Variants in ACTL6B observed in about 807,000 individuals in gnomAD.
ACTL6B encodes actin like 6B, also known as actin-like protein 6B.
Under a neutral mutation model 63.3 loss-of-function variants are expected in ACTL6B, and 48 were observed. The ratio of observed to expected loss-of-function variants is 0.76; its 90% confidence interval spans 0.60 to 0.96. The LOEUF (loss-of-function observed/expected upper bound fraction) is 0.96, where lower values mean the gene tolerates loss of function less well. ACTL6B is among the 50% of genes least tolerant of loss of function. The pLI, the probability that ACTL6B is intolerant of heterozygous loss-of-function variation, is 0.00. For missense variants in ACTL6B, 350 were observed against 572.2 expected (o/e 0.61, Z 3.96); for synonymous variants, 230 against 223.8 (o/e 1.03, Z -0.25).
chr7:100,648,877 GC>G lies in ACTL6B; in HGVS notation c.468-55del. 1 of 1,547,136 alleles carries G rather than the reference GC, an allele frequency of 6.5e-7. No homozygotes were observed. On this transcript the variant is annotated intron_variant, in intron 5 of 13. Transcript: ENST00000160382. The surrounding 1 kb of genome is among the most constrained non-coding windows in gnomAD (Gnocchi z 4.4). ...CAGCAGCAGCAAGTGAGGGGCCTGG[GC>G]CCAGATCTTGTCTGGTCACTCTCTG... is the stretch of plus-strand genomic sequence containing the variant.
At chr7:100,651,377 C>T (rs1298796758) in intron 4 of ACTL6B, among the ~76,000 whole-genome samples, 1 of 151,640 alleles carries the variant, frequency 6.6e-6, no homozygotes, top group Non-Finnish European at 1.5e-5. Context: ...ATGGTGAAAC[C>T]CCGTCTCTAC....
In ACTL6B at chr7:100,647,509, G is replaced by C. The variant is rs200805270; in HGVS notation, c.694C>G (p.Pro232Ala). The stretch of plus-strand genomic sequence containing the variant: ...AGCTTCTCCTTCTTCTTCCAGTTTG[G>C]GGGGGCACCCTCCCGGACAGGCTCC... ...AKEPVREGAP[P>A]NWKKKEKLPQ... The change falls in exon 8 of 14, where the codon CCA becomes GCA. Residue 232 changes from proline (P) to alanine (A), a missense_variant. Transcript: ENST00000160382. This position sits in a 1 kb window ranked among gnomAD's most constrained non-coding sequence, Gnocchi z 4.4. 135 of 1,608,000 alleles carry C rather than the reference G, an allele frequency of 8.4e-5. No individual in the cohort carries two copies. The East Asian group carries it at 1.8e-3, about 21-fold the overall frequency.
chr7:100,646,873 TC>T lies in ACTL6B; in HGVS notation c.937-43del. 2 of 1,598,518 alleles carry T rather than the reference TC, an allele frequency of 1.3e-6. No individual in the cohort carries two copies. The highest frequency in any genetic ancestry group is 8.5e-7 in the Non-Finnish European group (1 of 1,171,168). On this transcript the variant is annotated intron_variant, in intron 10 of 13. Coordinates refer to ENST00000160382, the MANE Select transcript of ACTL6B (RefSeq NM_016188.5). This position sits in a 1 kb window ranked among gnomAD's most constrained non-coding sequence, Gnocchi z 6.1. ...CTGGGGCTGTGGGCTCTCTCCCCCTTCCCCCCAGACCCCTGCAATCCTTCCC... is the reference window on the plus strand; with the variant it reads ...CTGGGGCTGTGGGCTCTCTCCCCCTTCCCCCAGACCCCTGCAATCCTTCCC...
At chr7:100,651,741 G>A (rs574326497) in intron 4 of ACTL6B, among the ~76,000 whole-genome samples, 149 of 151,844 alleles carry the variant, frequency 9.8e-4, no homozygotes, top group African/African-American at 3.5e-3. Flanking sequence ...GCACCACCAT[G>A]GCCAGCTAAT....
At chr7:100,653,442 G>A (rs1463299973) in intron 4 of ACTL6B, among the ~76,000 whole-genome samples, 1 of 152,038 alleles carries the variant, frequency 6.6e-6, no homozygotes, top group Non-Finnish European at 1.5e-5. Flanking sequence ...TTGAGCCCAG[G>A]AATTCAAGAC....
chr7:100,643,178 G>C lies in ACTL6B; in HGVS notation c.*68C>G. 1 of 1,372,390 alleles carries C rather than the reference G, an allele frequency of 7.3e-7. No individual in the cohort carries two copies. The highest frequency in any genetic ancestry group is 1.0e-6 in the Non-Finnish European group (1 of 962,830). The allele number at this position is 1,372,390 out of a possible 1,614,324, so 85.0% of individuals were successfully genotyped here. On this transcript the variant is annotated 3_prime_UTR_variant, in exon 14 of 14. Transcript: ENST00000160382. Reference sequence around the variant, plus strand: ...GGACAAGAGGGAAAGGAGGAGGGGGGCAATGTGGCATGGGGGTTAAGGGAC... The same window carrying C: ...GGACAAGAGGGAAAGGAGGAGGGGGCCAATGTGGCATGGGGGTTAAGGGAC...
Position 100,643,160 on chromosome 7 carries a change from A to T in ACTL6B, c.*86T>A. 1 of 1,276,696 alleles carries T rather than the reference A, an allele frequency of 7.8e-7. No individual in the cohort carries two copies. Among genetic ancestry groups the T allele is most frequent in the Non-Finnish European group, 1.1e-6 (1 of 879,364 alleles). The allele number at this position is 1,276,696 out of a possible 1,614,324, so 79.1% of individuals were successfully genotyped here. ...AAACATCACCATTAATGAGGACAAG[A>T]GGGAAAGGAGGAGGGGGGCAATGTG... On this transcript the variant is annotated 3_prime_UTR_variant, in exon 14 of 14. Coordinates refer to ENST00000160382, the MANE Select transcript of ACTL6B (RefSeq NM_016188.5).
At chr7:100,654,432 C>CATCATA (rs370094908) in intron 4 of ACTL6B, among the ~76,000 whole-genome samples, 51 of 137,444 alleles carry the variant, frequency 3.7e-4, no homozygotes, top group Non-Finnish European at 5.3e-4. Context: ...CAAAGTTGAC[C>CATCATA]ATAATAATAA....
chr7:100,647,291 TC>T lies in ACTL6B; in HGVS notation c.760-8del. ...GGAAGTCCTGGATCACCTCCTGAAA[TC>T]CCAGCGGAGGTGGTGAGGGCCTGCC... On this transcript the variant is annotated splice_polypyrimidine_tract_variant and splice_region_variant and intron_variant, in intron 8 of 13. Transcript: ENST00000160382. This position sits in a 1 kb window ranked among gnomAD's most constrained non-coding sequence, Gnocchi z 4.4. The T allele has an allele frequency of 1.2e-6, 2 of 1,612,800 alleles. No individual in the cohort carries two copies. The highest frequency in any genetic ancestry group is 2.7e-5 in the African/African-American group (2 of 74,898).
At chr7:100,643,453 CT>C in intron 13 of ACTL6B, 127 bp from the exon 14 acceptor site, 3 of 802,652 alleles carry the variant, frequency 3.7e-6, no homozygotes, top group Non-Finnish European at 6.3e-6. Context: ...TCTGAAGCCC[CT>C]CCCCACCTCA....
Position 100,650,116 on chromosome 7 carries a change from C to G in ACTL6B, c.389G>C (p.Arg130Pro). ...GAACATCAGCTCTGTCAGCTTCTCC[C>G]GCTTGGCCCGTGTGTTCCACTGTGG... ...SEAPWNTRAK[R>P]EKLTELMFEQ... The change falls in exon 5 of 14, where the codon CGG (arginine) becomes CCG (proline). Residue 130 changes from arginine (R) to proline (P), a missense_variant. Around this residue, in one of 3 missense-constraint regions of ACTL6B, gnomAD observed 250 missense variants for 364.7 expected, o/e 0.69. Transcript: ENST00000160382. 6.2e-7 allele frequency: 1 copy of G among 1,613,872 alleles called. No homozygotes were observed. The highest frequency in any genetic ancestry group is 8.5e-7 in the Non-Finnish European group (1 of 1,179,964).
chr7:100,652,174 G>A (rs189776662), intron 4 of ACTL6B, among the ~76,000 whole-genome samples: 2,219 of 152,124 alleles, frequency 0.015, 50 homozygotes, highest in African/African-American at 0.051. Context: ...CGAGGCCGGC[G>A]GATCGCGAGG....
chr7:100,650,684 T>A (rs780597076), intron 4 of ACTL6B, among the ~76,000 whole-genome samples: 14 of 150,938 alleles, frequency 9.3e-5, no homozygotes, highest in Admixed American at 3.3e-4. Flanking sequence ...AAAAAAAAAA[T>A]TTAAAGTAAG....
At position 100,646,232 on chromosome 7, in the gene ACTL6B, G is replaced by C; in HGVS notation, c.1200+17C>G. On this transcript the variant is annotated intron_variant, in intron 13 of 13. Coordinates refer to ENST00000160382, the MANE Select transcript of ACTL6B (RefSeq NM_016188.5). The surrounding 1 kb of genome is among the most constrained non-coding windows in gnomAD (Gnocchi z 6.1). ...CTCCCCCACAGTCAGTGCTAGGCCA[G>C]GTCCCTTTCCTCTCACCAGTGAGGC... 1.9e-6 allele frequency: 3 copies of C among 1,611,496 alleles called. No individual in the cohort carries two copies. The highest frequency in any genetic ancestry group is 2.5e-6 in the Non-Finnish European group (3 of 1,178,176).
rs560338358 is a variant in ACTL6B, at chr7:100,648,863, A to T, written c.468-40T>A. On this transcript the variant is annotated intron_variant, in intron 5 of 13. Coordinates refer to ENST00000160382, the MANE Select transcript of ACTL6B (RefSeq NM_016188.5). This position sits in a 1 kb window ranked among gnomAD's most constrained non-coding sequence, Gnocchi z 4.4. The stretch of plus-strand genomic sequence containing the variant: ...GTAAGTCAAAGAGACAGCAGCAGCA[A>T]GTGAGGGGCCTGGGCCCAGATCTTG... 6.9e-6 allele frequency: 11 copies of T among 1,586,056 alleles called. No individual in the cohort carries two copies. In the East Asian group the frequency reaches 2.5e-4, roughly 36 times the overall value.
chr7:100,643,159 G>A lies in ACTL6B; in HGVS notation c.*87C>T, dbSNP rs1194623298. ...GAAACATCACCATTAATGAGGACAA[G>A]AGGGAAAGGAGGAGGGGGGCAATGT... On this transcript the variant is annotated 3_prime_UTR_variant, in exon 14 of 14. Coordinates refer to ENST00000160382, the MANE Select transcript of ACTL6B (RefSeq NM_016188.5). 1.1e-5 allele frequency: 14 copies of A among 1,267,732 alleles called. No homozygotes were observed. The highest frequency in any genetic ancestry group is 1.9e-4 in the Middle Eastern group (1 of 5,326). The allele number at this position is 1,267,732 out of a possible 1,614,324, so 78.5% of individuals were successfully genotyped here. A position where few individuals can be genotyped will look rare whatever the true frequency, so the allele number is the denominator to read the frequency against.
chr7:100,647,276 G>T lies in ACTL6B; in HGVS notation c.768C>A (p.Ile256=). 2 of 1,613,362 alleles carry T rather than the reference G, an allele frequency of 1.2e-6. No homozygotes were observed. The highest frequency in any genetic ancestry group is 1.7e-6 in the Non-Finnish European group (2 of 1,179,930). ...SWHNYMCNEV[I]QDFQASVLQV... ...GCAGCACGGAGGCCTGGAAGTCCTG[G>T]ATCACCTCCTGAAATCCCAGCGGAG... The change falls in exon 9 of 14, where the codon ATC becomes ATA. Residue 256 remains isoleucine (I), a synonymous_variant. Transcript: ENST00000160382. The surrounding 1 kb of genome is among the most constrained non-coding windows in gnomAD (Gnocchi z 4.4).
At chr7:100,654,973 T>C in intron 4 of ACTL6B, 46 bp downstream of exon 4, 1 of 1,492,882 alleles carries the variant, frequency 6.7e-7, no homozygotes, top group South Asian at 1.1e-5. Context: ...GGGAAGGAGG[T>C]GCAGTGGAGA....
rs1462527394 is a variant in ACTL6B at position 100,647,823 on chromosome 7, G to T, written c.670-290C>A. ...TCCTAGGGGGTCATGATCCATGTGA[G>T]GGCACGGAATGGAGCTAAGCACACA... On this transcript the variant is annotated intron_variant, in intron 7 of 13. Transcript: ENST00000160382. This position sits in a 1 kb window ranked among gnomAD's most constrained non-coding sequence, Gnocchi z 4.4. 7.3e-6 allele frequency: 3 copies of T among 412,400 alleles called. No homozygotes were observed. The highest frequency in any genetic ancestry group is 8.7e-6 in the Non-Finnish European group (2 of 230,658). 25.5% of individuals were successfully genotyped at this position (412,400 alleles called of 1,614,324 possible).
Sources: gnomAD v4.1 joint callset for allele counts (sites outside exome capture counted in the v4.1 genomes callset) on GRCh38, gnomAD v4.1.1 for gene constraint, gnomAD v4.1.1 regional missense constraint, Gnocchi (gnomAD v3.1) non-coding constraint, MANE v1.5 for transcripts, NCBI Gene and HGNC (gene_info 2026-07-23, HGNC 2026-07-21) for gene names.